TMTC2: variants seen among roughly 807,000 people sequenced by gnomAD.
The protein encoded by TMTC2 is transmembrane O-mannosyltransferase targeting cadherins 2, also known as protein O-mannosyl-transferase TMTC2.
A neutral mutation model predicts 82.4 loss-of-function variants in TMTC2; 43 were observed. The observed-to-expected ratio is 0.52, with a 90% CI of 0.41 to 0.67. The LOEUF (loss-of-function observed/expected upper bound fraction) is 0.67, where lower values mean the gene tolerates loss of function less well. Among genes scored for constraint, TMTC2 ranks in the 30% least tolerant of loss-of-function variants. The pLI, the probability that TMTC2 is intolerant of heterozygous loss-of-function variation, is 0.00. For synonymous variants in TMTC2, 408 were observed against 381.9 expected (o/e 1.07, Z -0.80); for missense variants, 919 against 1,012.4 (o/e 0.91, Z 1.25).
At chr12:82,858,425 G>A (rs1337572212) in intron 2 of TMTC2, among the ~76,000 whole-genome samples, 1 of 152,218 alleles carries the variant, frequency 6.6e-6, no homozygotes, top group Non-Finnish European at 1.5e-5. Context: ...AACTGGGCCA[G>A]GGTTTGCCAA....
In TMTC2 at chr12:82,844,801, C is replaced by CA. The variant is rs550857198; in HGVS notation, c.84-12197dup. Among the ~76,000 whole-genome samples the CA allele has an allele frequency of 7.9e-3, 955 of 121,196 alleles. 48 individuals carry two copies. The East Asian group carries it at 0.13, about 17-fold the overall frequency. The allele number at this position is 121,196 out of a possible 152,430, so 79.5% of individuals were successfully genotyped here. On this transcript the variant is annotated intron_variant, in intron 1 of 11. Transcript: ENST00000321196. ...TGGGCGATAGAGTGAGACTCCGTCT[C>CA]AAAAAAAAAAAAGAATCTAGTGTTC...
chr12:82,760,356 A>G (rs1384812291), intron 1 of TMTC2: 1 of 151,950 alleles, frequency 6.6e-6, no homozygotes, highest in Non-Finnish European at 1.5e-5. Context: ...AACAACAAAA[A>G]TGCGTATGTA....
chr12:83,011,377 T>A (rs1880451152), intron 8 of TMTC2, among the ~76,000 whole-genome samples: 1 of 152,206 alleles, frequency 6.6e-6, no homozygotes, highest in Admixed American at 6.5e-5. Flanking sequence ...AAGCATTTTC[T>A]TGTTGAGCAG....
rs1874284611 is a variant in TMTC2 at position 82,723,027 on chromosome 12, CTA to C, written c.83+35360_83+35361del. ...CTGTAGTTTTTTCATGGAAAAATGT[CTA>C]TTCATAGCTTCATAGTACCTAGCAC... is the stretch of plus-strand genomic sequence containing the variant. On this transcript the variant is annotated intron_variant, in intron 1 of 11. Transcript: ENST00000321196. Among the ~76,000 whole-genome samples the C allele has an allele frequency of 2.0e-5, 3 of 152,152 alleles. 1 individual carries two copies. The South Asian group carries it at 6.2e-4, about 32-fold the overall frequency.
chr12:82,959,993 T>G (rs916500431), intron 4 of TMTC2, among the ~76,000 whole-genome samples: 32 of 150,416 alleles, frequency 2.1e-4, no homozygotes, highest in Non-Finnish European at 3.4e-4. Context: ...ACAACACCAT[T>G]AAAAACAAAA....
chr12:82,981,394 C>G (rs146294466), intron 7 of TMTC2, among the ~76,000 whole-genome samples: 1 of 151,754 alleles, frequency 6.6e-6, no homozygotes, highest in Non-Finnish European at 1.5e-5. Flanking sequence ...AGACCTGGGG[C>G]TTTTTAGGGA....
At chr12:82,781,935 A>G (rs954331479) in intron 1 of TMTC2, among the ~76,000 whole-genome samples, 1 of 151,992 alleles carries the variant, frequency 6.6e-6, no homozygotes, top group East Asian at 1.9e-4. Context: ...GCTGTTTACA[A>G]CTGTGTGCTT....
chr12:82,709,431 A>G (rs1447509271), intron 1 of TMTC2, among the ~76,000 whole-genome samples: 3 of 152,254 alleles, frequency 2.0e-5, no homozygotes, highest in Non-Finnish European at 4.4e-5. Flanking sequence ...GATTTTTAAT[A>G]GTGAATTTGA....
At chr12:82,804,991 T>A (rs1209836659) in intron 1 of TMTC2, among the ~76,000 whole-genome samples, 1 of 152,140 alleles carries the variant, frequency 6.6e-6, no homozygotes, top group Non-Finnish European at 1.5e-5. Context: ...TCTCTAGCAG[T>A]TTTGCCATGA....
At chr12:83,020,942 A>G (rs1317833005) in intron 8 of TMTC2, among the ~76,000 whole-genome samples, 1 of 152,214 alleles carries the variant, frequency 6.6e-6, no homozygotes, top group East Asian at 1.9e-4. Context: ...CATAATGTCA[A>G]AGCTGTGTAG....
chr12:82,929,821 C>A (rs929786594), intron 3 of TMTC2, among the ~76,000 whole-genome samples: 2 of 152,048 alleles, frequency 1.3e-5, no homozygotes, highest in South Asian at 2.1e-4. Context: ...AAAGGGTACA[C>A]AGAAAATATA....
chr12:82,847,798 G>T lies in TMTC2; in HGVS notation c.84-9212G>T, dbSNP rs1452239329. Among the ~76,000 whole-genome samples the T allele has an allele frequency of 2.0e-5, 3 of 151,788 alleles. No homozygotes were observed. In the South Asian group the frequency reaches 6.2e-4, roughly 32 times the overall value. ...CATTACACACGGGGGCCTGTCAGGG[G>T]GTGTGGGACTTGGGGGAGGGATAGC... On this transcript the variant is annotated intron_variant, in intron 1 of 11. Coordinates refer to ENST00000321196, the MANE Select transcript of TMTC2 (RefSeq NM_152588.3).
chr12:82,740,967 G>T (rs1023384264), intron 1 of TMTC2, among the ~76,000 whole-genome samples: 1 of 152,188 alleles, frequency 6.6e-6, no homozygotes. Context: ...AGCTTTCTCT[G>T]TCTTGATGTG....
chr12:83,119,775 C>G (rs61929901), intron 11 of TMTC2, among the ~76,000 whole-genome samples: 5,423 of 149,336 alleles, frequency 0.036, 153 homozygotes, highest in South Asian at 0.1. Context: ...GTTACTGTCT[C>G]TCTCATTTCT....
intron 1 of TMTC2, among the ~76,000 whole-genome samples, chr12:82,810,866 G>A (rs1380669263): frequency 6.6e-6 from 1 of 152,072 alleles, no homozygotes; most frequent in African/African-American, 2.4e-5. Context: ...AAGAAGGTGC[G>A]TTGCTTCCCC....
At chr12:83,032,257 T>TA (rs1881460375) in intron 9 of TMTC2, among the ~76,000 whole-genome samples, 4 of 130,856 alleles carry the variant, frequency 3.1e-5, no homozygotes, top group Non-Finnish European at 3.2e-5. Flanking sequence ...AGAGAATATT[T>TA]TATATATATA....
intron 11 of TMTC2, among the ~76,000 whole-genome samples, chr12:83,087,662 G>T (rs1883707602): frequency 6.6e-6 from 1 of 152,222 alleles, no homozygotes; most frequent in Non-Finnish European, 1.5e-5. Flanking sequence ...GTGGCCAGGT[G>T]CATTGTCAGT....
intron 1 of TMTC2, among the ~76,000 whole-genome samples, chr12:82,696,241 ATTAT>A (rs1472449336): frequency 6.6e-6 from 1 of 152,324 alleles, no homozygotes; most frequent in Non-Finnish European, 1.5e-5. Flanking sequence ...GAGGGAGGCA[ATTAT>A]TTATAGCTGA....
chr12:82,730,819 G>C (rs1307126358), intron 1 of TMTC2, among the ~76,000 whole-genome samples: 1 of 152,152 alleles, frequency 6.6e-6, no homozygotes, highest in Admixed American at 6.5e-5. Context: ...AGCAAGGTAG[G>C]ATCTACTTAG....
Sources: gnomAD v4.1 joint callset for allele counts (sites outside exome capture counted in the v4.1 genomes callset) on GRCh38, gnomAD v4.1.1 for gene constraint, MANE v1.5 for transcripts, NCBI Gene and HGNC (gene_info 2026-07-23, HGNC 2026-07-21) for gene names.